OTUD7B: variants seen among roughly 807,000 people sequenced by gnomAD.
OTUD7B encodes the protein OTU deubiquitinase 7B, also known as OTU domain-containing protein 7B.
In OTUD7B, 34 loss-of-function variants were observed where a neutral mutation model predicts 82.2. The observed-to-expected ratio is 0.41, with a 90% CI of 0.31 to 0.55. OTUD7B has a LOEUF of 0.55. Among genes scored for constraint, OTUD7B ranks in the 20% least tolerant of loss-of-function variants. The pLI is 0.20. For synonymous variants in OTUD7B, 398 were observed against 402.7 expected, an observed-to-expected ratio of 0.99 and a Z score of 0.14; for missense variants, 944 against 1,062.1, an observed-to-expected ratio of 0.89 and a Z score of 1.55.
intron 7 of OTUD7B, among the ~76,000 whole-genome samples, chr1:149,955,917 C>A (rs1395982087): frequency 6.6e-6 from 1 of 152,048 alleles, no homozygotes; most frequent in African/African-American, 2.4e-5. Context: ...TTATTTTGAG[C>A]CTATGTGTGT....
At chr1:149,994,584 CAA>C (rs796210721) in intron 1 of OTUD7B, among the ~76,000 whole-genome samples, 7 of 41,062 alleles carry the variant, frequency 1.7e-4, no homozygotes, top group African/African-American at 1.6e-4. Context: ...GACTCCATCT[CAA>C]AAAAAAAAAA....
At chr1:150,007,895 C>A (rs76349819) in intron 1 of OTUD7B, among the ~76,000 whole-genome samples, 4 of 152,136 alleles carry the variant, frequency 2.6e-5, no homozygotes, top group Admixed American at 2.6e-4. Flanking sequence ...CATTTCAAAG[C>A]GCTGTTTAAG....
chr1:150,031,872 A>G, the OTUD7B span, among the ~76,000 whole-genome samples: 1 of 152,228 alleles, frequency 6.6e-6, no homozygotes, highest in Non-Finnish European at 1.5e-5. Context: ...TATGTTAAGT[A>G]TTTGCTATTA....
the OTUD7B span, among the ~76,000 whole-genome samples, chr1:150,043,555 T>C: frequency 6.6e-6 from 1 of 152,098 alleles, no homozygotes; most frequent in Non-Finnish European, 1.5e-5. Flanking sequence ...TTATTGTGAA[T>C]TCGTGAGTTC....
the OTUD7B span, among the ~76,000 whole-genome samples, chr1:150,027,083 G>A: frequency 1.3e-5 from 2 of 152,042 alleles, no homozygotes; most frequent in African/African-American, 2.4e-5. Flanking sequence ...TAAATCAAAG[G>A]TATTACATTG....
chr1:149,963,618 T>C (rs1193087453), intron 6 of OTUD7B: 1 of 151,504 alleles, frequency 6.6e-6, no homozygotes, highest in East Asian at 1.9e-4. Flanking sequence ...AGAGGGCAAG[T>C]ACAAACAATC....
At chr1:149,953,827 A>G (rs1379893843) in intron 7 of OTUD7B, among the ~76,000 whole-genome samples, 2 of 152,114 alleles carry the variant, frequency 1.3e-5, no homozygotes, top group Non-Finnish European at 2.9e-5. Flanking sequence ...ATGGGAGTTC[A>G]CTCATGATTT....
the OTUD7B span, among the ~76,000 whole-genome samples, chr1:150,061,960 G>T: frequency 6.6e-6 from 1 of 152,140 alleles, no homozygotes; most frequent in African/African-American, 2.4e-5. Context: ...GGTCTGGAAG[G>T]TTTCGATGCA....
At chr1:149,946,451 G>C (rs1473122480) in intron 11 of OTUD7B, among the ~76,000 whole-genome samples, 1 of 151,896 alleles carries the variant, frequency 6.6e-6, no homozygotes, top group Non-Finnish European at 1.5e-5. Context: ...TTTTTAAAAA[G>C]CAGGAAAGGG....
In OTUD7B at chr1:149,967,234, C is replaced by G. The variant is rs1571644917; in HGVS notation, c.502+60G>C. The G allele has an allele frequency of 4.0e-6, 5 of 1,260,224 alleles. No homozygotes were observed. In the East Asian group the frequency reaches 1.2e-4, roughly 30 times the overall value. 78.1% of individuals were successfully genotyped at this position (1,260,224 alleles called of 1,614,324 possible). On this transcript the variant is annotated intron_variant, in intron 4 of 11. Coordinates refer to ENST00000581312, the MANE Select transcript of OTUD7B (RefSeq NM_020205.4). ...CTAGCGATCAAGTCCAGCCCCTCCA[C>G]AAGGCTGCCTGTAGGTGGAGAGTAG...
intron 1 of OTUD7B, among the ~76,000 whole-genome samples, chr1:150,000,665 A>G (rs1652220946): frequency 6.6e-6 from 1 of 152,144 alleles, no homozygotes; most frequent in African/African-American, 2.4e-5. Context: ...TTTCAAAACA[A>G]AACTGTATGT....
chr1:150,019,474 C>T, the OTUD7B span, among the ~76,000 whole-genome samples: 1 of 152,080 alleles, frequency 6.6e-6, no homozygotes, highest in East Asian at 1.9e-4. Flanking sequence ...TTCAAGAGAT[C>T]CTCCTGCCTC....
chr1:149,954,098 T>G (rs1199334793), intron 7 of OTUD7B, among the ~76,000 whole-genome samples: 1 of 152,216 alleles, frequency 6.6e-6, no homozygotes, highest in Non-Finnish European at 1.5e-5. Context: ...ATAGGAGTGG[T>G]GAGAAAGGGC....
intron 7 of OTUD7B, among the ~76,000 whole-genome samples, chr1:149,953,332 A>G (rs1191820235): frequency 6.6e-6 from 1 of 152,096 alleles, no homozygotes; most frequent in Non-Finnish European, 1.5e-5. Context: ...TGTTTTTGTC[A>G]GGTTTGTCAA....
chr1:149,974,953 CT>C (rs1650207763), intron 2 of OTUD7B, among the ~76,000 whole-genome samples: 2 of 151,992 alleles, frequency 1.3e-5, no homozygotes, highest in African/African-American at 4.8e-5. Context: ...CCACCTCAGC[CT>C]CCCAGGTAGC....
Position 149,948,989 on chromosome 1 carries a change from A to T in OTUD7B, c.1218T>A (p.Ser406Arg). 6.2e-7 allele frequency: 1 copy of T among 1,612,290 alleles called. No homozygotes were observed. Among genetic ancestry groups the T allele is most frequent in the Non-Finnish European group, 8.5e-7 (1 of 1,178,294 alleles). The change falls in exon 10 of 12, where the codon AGT (serine) becomes AGA (arginine). Residue 406 changes from serine to arginine, a missense_variant. Ser to Arg is a moderately radical substitution (Grantham distance 110, BLOSUM62 -1). Around this residue, in one of 3 missense-constraint regions of OTUD7B, gnomAD observed 530 missense variants for 625.6 expected, o/e 0.85. Transcript: ENST00000581312. ...CTTACCTGGCCAATCGGACATTGTCACTATCATCTTTGCCCCACTCCCAGC... is the reference window on the plus strand; with the variant it reads ...CTTACCTGGCCAATCGGACATTGTCTCTATCATCTTTGCCCCACTCCCAGC... ...GKGWEWGKDD[S>R]DNVRLASVIL...
At chr1:149,970,475 C>T (rs1445995097) in intron 3 of OTUD7B, among the ~76,000 whole-genome samples, 2 of 152,006 alleles carry the variant, frequency 1.3e-5, no homozygotes, top group South Asian at 4.2e-4. Flanking sequence ...TGTACCACCA[C>T]GCCCAGCTAA....
At chr1:149,967,183 A>G (rs1211637619) in intron 4 of OTUD7B, 111 bp downstream of exon 4, 4 of 661,316 alleles carry the variant, frequency 6.0e-6, no homozygotes, top group African/African-American at 3.6e-5. Flanking sequence ...TGACTTTGCA[A>G]TCAGATAACA....
upstream of OTUD7B, among the ~76,000 whole-genome samples, chr1:150,012,822 C>T (rs1278409873): frequency 1.3e-5 from 2 of 152,222 alleles, no homozygotes; most frequent in Non-Finnish European, 2.9e-5. Context: ...TGTGCAGTTG[C>T]TCAATGGGCT....
Sources: gnomAD v4.1 joint callset for allele counts (sites outside exome capture counted in the v4.1 genomes callset) on GRCh38, gnomAD v4.1.1 for gene constraint, gnomAD v4.1.1 regional missense constraint, MANE v1.5 for transcripts, NCBI Gene and HGNC (gene_info 2026-07-23, HGNC 2026-07-21) for gene names.